Variants in PRKDC observed in about 807,000 individuals in gnomAD.
The protein encoded by PRKDC is DNA-dependent protein kinase catalytic subunit.
A neutral mutation model predicts 486.9 loss-of-function variants in PRKDC; 82 were observed. The ratio of observed to expected loss-of-function variants is 0.17; its 90% CI spans 0.14 to 0.20. PRKDC has a LOEUF of 0.20. Ranked by LOEUF, PRKDC falls within the 10% of genes least tolerant of loss-of-function variation. PRKDC has a pLI of 1.00. For missense variants in PRKDC, 4,504 were observed against 5,038.2 expected (o/e 0.89, Z 3.21); for synonymous variants, 1,895 against 1,837.0 (o/e 1.03, Z -0.81).
intron 7 of PRKDC, among the ~76,000 whole-genome samples, chr8:47,951,887 A>T (rs1432041493): frequency 6.6e-6 from 1 of 152,214 alleles, no homozygotes. Flanking sequence ...ATCATCAGGG[A>T]AACGGAAATC....
intron 58 of PRKDC, among the ~76,000 whole-genome samples, chr8:47,836,106 A>G (rs1329270399): frequency 6.6e-6 from 1 of 152,180 alleles, no homozygotes; most frequent in East Asian, 1.9e-4. Context: ...CCATTAAACT[A>G]TAAATCCCCA....
At chr8:47,837,486 G>C in intron 56 of PRKDC, 67 bp from the exon 57 acceptor site, 1 of 1,307,564 alleles carries the variant, frequency 7.6e-7, no homozygotes, top group Middle Eastern at 2.5e-4. Context: ...GTGCTGTACA[G>C]GGTGTCCTGT....
intron 11 of PRKDC, among the ~76,000 whole-genome samples, chr8:47,937,931 GA>G (rs1271627651): frequency 6.6e-6 from 1 of 152,090 alleles, no homozygotes; most frequent in African/African-American, 2.4e-5. Flanking sequence ...TCTGTGTAAC[GA>G]AGTGAGATAT....
chr8:47,778,609 G>C lies in PRKDC; in HGVS notation c.11703C>G (p.Arg3901=). Residue 3901 remains arginine (R), a synonymous_variant, in exon 83 of 86, where the codon CGC becomes CGG. Coordinates refer to ENST00000314191, the MANE Select transcript of PRKDC (RefSeq NM_006904.7). ...GAGCGTGAGAGCTGGCGAAGTGGGA[G>C]CGGAGCGCCAGGAAAGCCTCAGGGC... ...STSPEAFLAL[R]SHFASSHALI... is the part of the protein sequence containing the mutation. 1 of 1,613,780 alleles carries C rather than the reference G, an allele frequency of 6.2e-7. No homozygotes were observed. Among genetic ancestry groups the C allele is most frequent in the Non-Finnish European group, 8.5e-7 (1 of 1,179,792 alleles).
At chr8:47,870,708 A>T (rs186606519) in intron 40 of PRKDC, among the ~76,000 whole-genome samples, 1 of 152,332 alleles carries the variant, frequency 6.6e-6, no homozygotes, top group East Asian at 1.9e-4. Flanking sequence ...CAGCCAAGAA[A>T]ACATGACTTC....
intron 7 of PRKDC, among the ~76,000 whole-genome samples, chr8:47,944,484 T>TAAAAAAAAAAAAAAAA (rs75220935): frequency 1.0e-5 from 1 of 99,018 alleles, no homozygotes; most frequent in African/African-American, 3.3e-5. Context: ...AGAAAAAAAT[T>TAAAAAAAAAAAAAAAA]AAAAAAAAAA....
chr8:47,946,614 C>A (rs973937556), intron 7 of PRKDC, among the ~76,000 whole-genome samples: 10 of 152,150 alleles, frequency 6.6e-5, no homozygotes, highest in Non-Finnish European at 1.5e-4. Context: ...ACTCTCACCC[C>A]CTCCTCATCT....
At chr8:47,888,947 G>GCAGCTGCAGGAT in intron 33 of PRKDC, 67 bp downstream of exon 33, 1 of 1,473,932 alleles carries the variant, frequency 6.8e-7, no homozygotes, top group Non-Finnish European at 9.4e-7. Flanking sequence ...AGCTGCAGGA[G>GCAGCTGCAGGAT]CACGGCAACA....
rs960972915 is a variant in PRKDC, at chr8:47,816,944, G to A, written c.9557+506C>T. 1.8e-4 allele frequency among the ~76,000 whole-genome samples: 28 copies of A among 152,194 alleles called. No homozygotes were observed. In the South Asian group the frequency reaches 2.5e-3, roughly 14 times the overall value. ...ATAAACCTCTCTGATTTTATTACAT[G>A]GTTAGTACCTGCCCTATGGATTCCA... On this transcript the variant is annotated intron_variant, in intron 68 of 85. Transcript: ENST00000314191.
At chr8:47,866,117 T>C (rs930794376) in intron 40 of PRKDC, among the ~76,000 whole-genome samples, 3 of 145,908 alleles carry the variant, frequency 2.1e-5, no homozygotes, top group Non-Finnish European at 4.4e-5. Flanking sequence ...GATCACACCA[T>C]TGTACTCCTG....
chr8:47,878,775 GA>G (rs2089143307), intron 39 of PRKDC, among the ~76,000 whole-genome samples: 1 of 152,164 alleles, frequency 6.6e-6, no homozygotes, highest in Non-Finnish European at 1.5e-5. Context: ...TTTCATCTCT[GA>G]AACTGTTGTG....
rs145042353 is a variant in PRKDC, at chr8:47,773,201, A to G, written c.*972T>C. On this transcript the variant is annotated 3_prime_UTR_variant, in exon 86 of 86. Coordinates refer to ENST00000314191, the MANE Select transcript of PRKDC (RefSeq NM_006904.7). ...ATACAAGTGTTAGAAGGAAAAAAAA[A>G]AACAACAAAAAGCTAAAAGCCAATC... The G allele has an allele frequency of 1.4e-5, 3 of 220,728 alleles. No individual in the cohort carries two copies. Among genetic ancestry groups the G allele is most frequent in the Non-Finnish European group, 2.8e-5 (3 of 109,034 alleles). The allele number at this position is 220,728 out of a possible 1,614,324, so 13.7% of individuals were successfully genotyped here.
Position 47,785,182 on chromosome 8 carries a change from G to A in PRKDC, c.11038C>T (p.Leu3680=), listed in dbSNP as rs752237050. The A allele has an allele frequency of 6.2e-6, 10 of 1,613,830 alleles. No homozygotes were observed. Among genetic ancestry groups the A allele is most frequent in the Non-Finnish European group, 1.7e-6 (2 of 1,179,878 alleles). ...MNKDSKPPGN[L]KECSPWMSDF... Reference sequence around the variant, plus strand: ...CTCATCCAGGGTGAACATTCTTTCAGATTCCCAGGGGGCTTTGAGTCTTTG... The same window carrying A: ...CTCATCCAGGGTGAACATTCTTTCAAATTCCCAGGGGGCTTTGAGTCTTTG... Residue 3680 remains leucine, a synonymous_variant, in exon 77 of 86, where the codon CTG becomes TTG. Transcript: ENST00000314191.
intron 40 of PRKDC, among the ~76,000 whole-genome samples, chr8:47,873,984 ATTTTTTTTT>A (rs1200890690): frequency 1.5e-5 from 2 of 130,138 alleles, no homozygotes; most frequent in Non-Finnish European, 1.6e-5. Flanking sequence ...GTATTTTGCT[ATTTTTTTTT>A]TTTTTTTTTT....
intron 24 of PRKDC, among the ~76,000 whole-genome samples, chr8:47,913,492 G>C (rs144411407): frequency 0.011 from 1,725 of 152,228 alleles, 18 homozygotes; most frequent in Non-Finnish European, 0.02. Context: ...TGCCTCCCAG[G>C]TTCAAACGAT....
rs1456334890 is a variant in PRKDC at position 47,773,604 on chromosome 8, A to C, written c.*569T>G. 4.5e-6 allele frequency: 1 copy of C among 220,782 alleles called. No homozygotes were observed. Among genetic ancestry groups the C allele is most frequent in the Non-Finnish European group, 9.1e-6 (1 of 110,412 alleles). 13.7% of individuals were successfully genotyped at this position (220,782 alleles called of 1,614,324 possible). A position where few individuals can be genotyped will look rare whatever the true frequency, so the allele number is the denominator to read the frequency against. ...GTCAAAACTAGAAGAGAATAAAATG[A>C]AAGGAAAAAACCTAGAAAAATATCC... On this transcript the variant is annotated 3_prime_UTR_variant, in exon 86 of 86. Coordinates refer to ENST00000314191, the MANE Select transcript of PRKDC (RefSeq NM_006904.7).
intron 82 of PRKDC, 27 bp downstream of exon 82, chr8:47,778,701 T>C (rs778643618): frequency 6.2e-7 from 1 of 1,613,212 alleles, no homozygotes; most frequent in South Asian, 1.1e-5. Context: ...GTGATCCCAC[T>C]AAGGGTGAGG....
chr8:47,810,781 CTAAGA>C (rs1411056454), intron 68 of PRKDC, among the ~76,000 whole-genome samples: 6 of 151,932 alleles, frequency 3.9e-5, no homozygotes, highest in Non-Finnish European at 7.4e-5. Flanking sequence ...AATACAATAC[CTAAGA>C]TAAAACAGTC....
At chr8:47,873,873 G>A (rs2089022171) in intron 40 of PRKDC, among the ~76,000 whole-genome samples, 1 of 151,958 alleles carries the variant, frequency 6.6e-6, no homozygotes, top group South Asian at 2.1e-4. Flanking sequence ...AAGGGTAAGA[G>A]GGAGGGGGAA....
Sources: gnomAD v4.1 joint callset for allele counts (sites outside exome capture counted in the v4.1 genomes callset) on GRCh38, gnomAD v4.1.1 for gene constraint, MANE v1.5 for transcripts, NCBI Gene and HGNC (gene_info 2026-07-23, HGNC 2026-07-21) for gene names.